The following ATG2B variants were observed in gnomAD, a reference collection of about 807,000 sequenced individuals.
ATG2B encodes the protein autophagy related 2B, also known as autophagy-related protein 2 homolog B.
ATG2B carries 121 observed loss-of-function variants against 241.3 expected under a neutral mutation model. That is an observed-to-expected ratio of 0.50 (90% confidence interval 0.43 to 0.58). The LOEUF is 0.58. Ranked by LOEUF, ATG2B falls within the 20% of genes least tolerant of loss-of-function variation. ATG2B has a pLI of 0.00. For missense variants in ATG2B, 2,306 were observed against 2,491.6 expected, an observed-to-expected ratio of 0.93 and a Z score of 1.59; for synonymous variants, 858 against 876.6, an observed-to-expected ratio of 0.98 and a Z score of 0.37.
At chr14:96,305,915 T>A in intron 30 of ATG2B, 100 bp from the exon 31 acceptor site, 1 of 857,910 alleles carries the variant, frequency 1.2e-6, no homozygotes, top group Non-Finnish European at 1.8e-6. Flanking sequence ...ACATTCTTTT[T>A]AATAATTCCA....
In ATG2B at chr14:96,332,668, A is replaced by C; in HGVS notation, c.1208-13T>G. Reference sequence around the variant, plus strand: ...AATACTTCTTCTTCTAGAGAGAATTAAACTATGTCACTTGTATTATAATCC... The same window carrying C: ...AATACTTCTTCTTCTAGAGAGAATTCAACTATGTCACTTGTATTATAATCC... On this transcript the variant is annotated splice_polypyrimidine_tract_variant and intron_variant, in intron 8 of 41. Transcript: ENST00000359933. 6.5e-7 allele frequency: 1 copy of C among 1,535,810 alleles called. No homozygotes were observed. Among genetic ancestry groups the C allele is most frequent in the South Asian group, 1.3e-5 (1 of 75,332 alleles).
Position 96,284,338 on chromosome 14 carries a change from C to A in ATG2B, c.*1417G>T, listed in dbSNP as rs1427484436. 2 of 152,286 alleles carry A rather than the reference C, an allele frequency of 1.3e-5. No individual in the cohort carries two copies. Among genetic ancestry groups the A allele is most frequent in the East Asian group, 3.9e-4 (2 of 5,188 alleles). 9.4% of individuals were successfully genotyped at this position (152,286 alleles called of 1,614,324 possible). On this transcript the variant is annotated 3_prime_UTR_variant, in exon 42 of 42. Transcript: ENST00000359933. The stretch of plus-strand genomic sequence containing the variant: ...GAAACTAAAATTAAAAGCTATATAA[C>A]CCCATTTTTATAAATTCTAAACATT...
Position 96,289,514 on chromosome 14 carries a change from T to C in ATG2B, c.6006+142A>G, listed in dbSNP as rs1317943542. The C allele has an allele frequency of 6.2e-6, 6 of 973,486 alleles. No homozygotes were observed. The Admixed American group carries it at 9.0e-5, about 15-fold the overall frequency. 60.3% of individuals were successfully genotyped at this position (973,486 alleles called of 1,614,324 possible). A position where few individuals can be genotyped will look rare whatever the true frequency, so the allele number is the denominator to read the frequency against. ...CCTTTTCCATCACCTCACACAGATA[T>C]GGGCACATGTTATTAGTGGCAGTTG... On this transcript the variant is annotated intron_variant, in intron 41 of 41. Transcript: ENST00000359933. The surrounding 1 kb of genome is among the most constrained non-coding windows in gnomAD (Gnocchi z 4.3).
In ATG2B at chr14:96,291,885, C is replaced by T. The variant is rs1886494993; in HGVS notation, c.5496+144G>A. ...CTCATGGTACTTAAGTAAATATTTA[C>T]ATTAAAAACAATTAAATTTAAAAAC... On this transcript the variant is annotated intron_variant, in intron 37 of 41. Transcript: ENST00000359933. 11 of 640,246 alleles carry T rather than the reference C, an allele frequency of 1.7e-5. No individual in the cohort carries two copies. In the East Asian group the frequency reaches 2.6e-4, roughly 15 times the overall value. 39.7% of individuals were successfully genotyped at this position (640,246 alleles called of 1,614,324 possible).
intron 34 of ATG2B, among the ~76,000 whole-genome samples, chr14:96,301,189 T>C (rs1886779338): frequency 6.6e-6 from 1 of 152,256 alleles, no homozygotes; most frequent in South Asian, 2.1e-4. Flanking sequence ...TTTCACACAC[T>C]GATTTATTTA....
At chr14:96,287,288 C>T (rs1886364634) in intron 41 of ATG2B, among the ~76,000 whole-genome samples, 2 of 127,760 alleles carry the variant, frequency 1.6e-5, no homozygotes, top group South Asian at 5.2e-4. Flanking sequence ...TCCAGAAAAA[C>T]TCAAAGAAAT....
chr14:96,307,286 C>T (rs1372399815), intron 29 of ATG2B, among the ~76,000 whole-genome samples: 4 of 152,074 alleles, frequency 2.6e-5, no homozygotes, highest in Admixed American at 1.3e-4. Flanking sequence ...GTGGCACACA[C>T]CTGAGTCCCA....
At chr14:96,307,100 G>A (rs776892188) in intron 29 of ATG2B, among the ~76,000 whole-genome samples, 184 bp from the exon 30 acceptor site, 1 of 71,238 alleles carries the variant, frequency 1.4e-5, no homozygotes, top group Non-Finnish European at 4.4e-5. Context: ...ACCTCAGCAA[G>A]AGTCAGAAAT....
chr14:96,294,913 CAA>C (rs1055129229), intron 36 of ATG2B, 45 bp downstream of exon 36: 1 of 1,569,338 alleles, frequency 6.4e-7, no homozygotes, highest in Admixed American at 1.7e-5. Context: ...GAACAATCTT[CAA>C]AAGTCTAAAA....
rs759667485 is a variant in ATG2B at position 96,325,867 on chromosome 14, C to T, written c.2219G>A (p.Arg740Gln). The T allele has an allele frequency of 1.1e-5, 17 of 1,613,814 alleles. No homozygotes were observed. In the Admixed American group the frequency reaches 1.7e-4, roughly 16 times the overall value. The change falls in exon 15 of 42, where the codon CGG becomes CAG. Residue 740 changes from arginine to glutamine, a missense_variant. By Grantham distance (43) the Arg-to-Gln change is conservative. This residue lies in a region of ATG2B where 1,927 missense variants were observed against 2,011.2 expected (regional missense o/e 0.96). Transcript: ENST00000359933. ...TGGTGTGGCAACTTGTACTGATATC[C>T]GACAATTTGCAGGACTATGTGAATC... is the stretch of plus-strand genomic sequence containing the variant. ...LDDSHSPANC[R>Q]ISVQVATPAL... is the part of the protein sequence containing the mutation.
intron 1 of ATG2B, among the ~76,000 whole-genome samples, chr14:96,355,114 C>A (rs578114319): frequency 1.2e-4 from 19 of 152,248 alleles, no homozygotes; most frequent in Non-Finnish European, 2.6e-4. Context: ...ATGACAGTTT[C>A]TTTTGCTGTG....
In ATG2B at chr14:96,303,737, T is replaced by C. The variant is rs151068206; in HGVS notation, c.4843-482A>G. ...TCCACTGAGGCTATTACCATGTATG[T>C]CTGTGGATAAGGGGGACTATGTGGA... On this transcript the variant is annotated intron_variant, in intron 32 of 41. Transcript: ENST00000359933. Among the ~76,000 whole-genome samples the C allele has an allele frequency of 4.2e-3, 647 of 152,310 alleles. 26 individuals are homozygous for C. The South Asian group carries it at 0.067, about 16-fold the overall frequency.
At position 96,285,684 on chromosome 14, in the gene ATG2B, C is replaced by A; in HGVS notation, c.*71G>T. ...CACAATAAAATTAAACGAGCTTCCT[C>A]TGAAGCTGCTGTCAGGACTCTGAGC... is the stretch of plus-strand genomic sequence containing the variant. On this transcript the variant is annotated 3_prime_UTR_variant, in exon 42 of 42. Coordinates refer to ENST00000359933, the MANE Select transcript of ATG2B (RefSeq NM_018036.7). This position sits in a 1 kb window ranked among gnomAD's most constrained non-coding sequence, Gnocchi z 4.2. The A allele has an allele frequency of 7.2e-7, 1 of 1,396,706 alleles. No individual in the cohort carries two copies. Among genetic ancestry groups the A allele is most frequent in the Non-Finnish European group, 1.0e-6 (1 of 994,304 alleles). The allele number at this position is 1,396,706 out of a possible 1,614,324, so 86.5% of individuals were successfully genotyped here. A position where few individuals can be genotyped will look rare whatever the true frequency, so the allele number is the denominator to read the frequency against.
chr14:96,288,808 A>G (rs1452710726), intron 41 of ATG2B, among the ~76,000 whole-genome samples: 1 of 61,388 alleles, frequency 1.6e-5, no homozygotes, highest in African/African-American at 4.4e-5. Flanking sequence ...CAACACCCAG[A>G]AAAAAAAAAA....
At chr14:96,359,752 TCCA>T (rs1888574268) in intron 1 of ATG2B, among the ~76,000 whole-genome samples, 1 of 152,160 alleles carries the variant, frequency 6.6e-6, no homozygotes, top group Non-Finnish European at 1.5e-5. Flanking sequence ...TATTTCTCCC[TCCA>T]CTTCATGCCA....
At chr14:96,349,897 C>G (rs977425257) in intron 1 of ATG2B, among the ~76,000 whole-genome samples, 7 of 152,132 alleles carry the variant, frequency 4.6e-5, no homozygotes, top group African/African-American at 1.7e-4. Flanking sequence ...TGGTGACTCA[C>G]GCCTTTAACT....
Position 96,305,585 on chromosome 14 carries a change from T to A in ATG2B, c.4733+4A>T. ...CAAATAAACTTATATAGAAATTAAC[T>A]TACATATAACTTTTAGCCGGAGAAG... On this transcript the variant is annotated splice_donor_region_variant and intron_variant, in intron 31 of 41. Coordinates refer to ENST00000359933, the MANE Select transcript of ATG2B (RefSeq NM_018036.7). 6.3e-7 allele frequency: 1 copy of A among 1,585,418 alleles called. No homozygotes were observed. Among genetic ancestry groups the A allele is most frequent in the Non-Finnish European group, 8.6e-7 (1 of 1,157,408 alleles).
intron 36 of ATG2B, chr14:96,293,294 T>C (rs547856520): frequency 1.3e-5 from 2 of 152,246 alleles, no homozygotes; most frequent in Admixed American, 6.5e-5. Context: ...ATCCCCTGAA[T>C]ACTCAGCTCC....
At chr14:96,361,456 C>T (rs1888625280) in intron 1 of ATG2B, among the ~76,000 whole-genome samples, 1 of 152,140 alleles carries the variant, frequency 6.6e-6, no homozygotes, top group South Asian at 2.1e-4. Context: ...AAAGCCCTTC[C>T]ACCCACAAAA....
Sources: gnomAD v4.1 joint callset for allele counts (sites outside exome capture counted in the v4.1 genomes callset) on GRCh38, gnomAD v4.1.1 for gene constraint, gnomAD v4.1.1 regional missense constraint, Gnocchi (gnomAD v3.1) non-coding constraint, MANE v1.5 for transcripts, NCBI Gene and HGNC (gene_info 2026-07-23, HGNC 2026-07-21) for gene names.